The following RIPPLY3 variants were observed in gnomAD, a reference collection of about 807,000 sequenced individuals.
The protein encoded by RIPPLY3 is protein ripply3.
RIPPLY3 carries 8 observed loss-of-function variants against 11.9 expected under a neutral mutation model. The ratio of observed to expected loss-of-function variants is 0.67; its 90% CI spans 0.40 to 1.21. The LOEUF (loss-of-function observed/expected upper bound fraction) is 1.21, where lower values mean the gene tolerates loss of function less well. Among genes scored for constraint, RIPPLY3 ranks in the 50% most tolerant of loss-of-function variants. RIPPLY3 has a pLI of 0.01. For synonymous variants in RIPPLY3, 102 were observed against 99.0 expected (o/e 1.03, Z -0.18); for missense variants, 271 against 246.0 (o/e 1.10, Z -0.68).
intron 3 of RIPPLY3, 76 bp downstream of exon 3, chr21:37,013,694 C>T (rs1246695468): frequency 9.7e-7 from 1 of 1,031,906 alleles, no homozygotes; most frequent in Non-Finnish European, 1.5e-6. Flanking sequence ...GTGTCTTCAA[C>T]CACATAGATT....
intron 3 of RIPPLY3, among the ~76,000 whole-genome samples, chr21:37,015,328 T>C (rs1249187196): frequency 6.6e-6 from 1 of 152,164 alleles, no homozygotes; most frequent in Admixed American, 6.5e-5. Flanking sequence ...CATGCCTGGC[T>C]AATTTTTGTA....
rs377467439 is a variant in RIPPLY3 at position 37,011,246 on chromosome 21, A to G, written c.172-2305A>G. On this transcript the variant is annotated intron_variant, in intron 2 of 3. Coordinates refer to ENST00000329553, the MANE Select transcript of RIPPLY3 (RefSeq NM_018962.3). Reference sequence around the variant, plus strand: ...CTCGAACTCCTGACCTCAGATCGTGATGCTCCTGCCTCCGCCTCCCACAGT... The same window carrying G: ...CTCGAACTCCTGACCTCAGATCGTGGTGCTCCTGCCTCCGCCTCCCACAGT... Among the ~76,000 whole-genome samples the G allele has an allele frequency of 2.0e-5, 3 of 152,156 alleles. No individual in the cohort carries two copies. The East Asian group carries it at 5.8e-4, about 29-fold the overall frequency.
At position 37,010,149 on chromosome 21, in the gene RIPPLY3, C is replaced by G. The variant is rs899462726; in HGVS notation, c.171+1926C>G. Among the ~76,000 whole-genome samples the G allele has an allele frequency of 9.2e-5, 14 of 152,256 alleles. No individual in the cohort carries two copies. In the East Asian group the frequency reaches 2.5e-3, roughly 27 times the overall value. On this transcript the variant is annotated intron_variant, in intron 2 of 3. Coordinates refer to ENST00000329553, the MANE Select transcript of RIPPLY3 (RefSeq NM_018962.3). Reference sequence around the variant, plus strand: ...CTGGAGTGGCGGTGAAGAGGACTAACGCCTGGTGACCTGTACCAGGGCTCC... The same window carrying G: ...CTGGAGTGGCGGTGAAGAGGACTAAGGCCTGGTGACCTGTACCAGGGCTCC...
Position 37,018,059 on chromosome 21 carries a change from G to T in RIPPLY3, c.425G>T (p.Gly142Val), listed in dbSNP as rs1231780055. ...CATCTTCTGCCCCAGGAGGTGGGAG[G>T]TCGGCAGGAAAATGGCCCAGGGGGA... ...PLHLLPQEVGGRQENGPGGKG... is the reference protein window; with the variant it reads ...PLHLLPQEVGVRQENGPGGKG... Residue 142 changes from glycine (G) to valine (V), a missense_variant, in exon 4 of 4, where the codon GGT becomes GTT. Gly to Val is a moderately radical substitution (Grantham distance 109). Transcript: ENST00000329553. 6.2e-7 allele frequency: 1 copy of T among 1,614,086 alleles called. No individual in the cohort carries two copies. Among genetic ancestry groups the T allele is most frequent in the Non-Finnish European group, 8.5e-7 (1 of 1,180,030 alleles).
At chr21:37,016,005 T>G (rs976739288) in intron 3 of RIPPLY3, among the ~76,000 whole-genome samples, 1 of 152,032 alleles carries the variant, frequency 6.6e-6, no homozygotes, top group Non-Finnish European at 1.5e-5. Context: ...TGAGCCACTG[T>G]GTCCCACCCC....
upstream of RIPPLY3, among the ~76,000 whole-genome samples, chr21:37,006,400 T>C (rs1189128798): frequency 1.3e-5 from 2 of 152,100 alleles, no homozygotes; most frequent in Non-Finnish European, 2.9e-5. The surrounding 1 kb of genome is among the most constrained non-coding windows in gnomAD (Gnocchi z 5.2). Flanking sequence ...ACCCCTTCTC[T>C]GGTGCCCCCT....
chr21:37,006,672 T>G, upstream of RIPPLY3: 2 of 778,686 alleles, frequency 2.6e-6, no homozygotes, highest in South Asian at 6.6e-5. The surrounding 1 kb of genome is among the most constrained non-coding windows in gnomAD (Gnocchi z 5.2). Flanking sequence ...CGCCCCCGTT[T>G]TTAAACCTGG....
At chr21:37,006,625 G>C (rs147954937), upstream of RIPPLY3, 2,477 of 410,292 alleles carry the variant, frequency 6.0e-3, 53 homozygotes, top group African/African-American at 0.048. This position sits in a 1 kb window ranked among gnomAD's most constrained non-coding sequence, Gnocchi z 5.2. Flanking sequence ...GGAGCTCCTC[G>C]GGTCCTGCCC....
Position 37,018,431 on chromosome 21 carries a change from C to T in RIPPLY3, c.*224C>T, listed in dbSNP as rs1362091540. 2 of 564,154 alleles carry T rather than the reference C, an allele frequency of 3.5e-6. No homozygotes were observed. The allele number at this position is 564,154 out of a possible 1,614,324, so 34.9% of individuals were successfully genotyped here. ...TCATGCATGCCTTTGAGAAAGGATT[C>T]TAGGAGAAAGAGAAGGTCTATGTCA... On this transcript the variant is annotated 3_prime_UTR_variant, in exon 4 of 4. Coordinates refer to ENST00000329553, the MANE Select transcript of RIPPLY3 (RefSeq NM_018962.3).
At chr21:37,010,580 C>T (rs543250187) in intron 2 of RIPPLY3, among the ~76,000 whole-genome samples, 1 of 152,358 alleles carries the variant, frequency 6.6e-6, no homozygotes. Context: ...CCCTCACCCA[C>T]TTCATGCCCC....
chr21:37,017,300 TC>T (rs910491337), intron 3 of RIPPLY3, among the ~76,000 whole-genome samples: 1 of 152,158 alleles, frequency 6.6e-6, no homozygotes, highest in Non-Finnish European at 1.5e-5. Flanking sequence ...TTTCCTTTTT[TC>T]CTAAGCACAT....
chr21:37,017,830 G>A (rs3746870), intron 3 of RIPPLY3, 44 bp from the exon 4 acceptor site: 15,202 of 1,509,012 alleles, frequency 0.01, 256 homozygotes, highest in East Asian at 0.073. Context: ...AATTTAGGAC[G>A]AGGTTCAGGT....
intron 2 of RIPPLY3, among the ~76,000 whole-genome samples, chr21:37,012,816 G>T (rs1190817589): frequency 6.6e-6 from 1 of 151,384 alleles, no homozygotes; most frequent in African/African-American, 2.4e-5. Flanking sequence ...TCCACACAAG[G>T]CTCCTCATGG....
rs2069470860 is a variant in RIPPLY3 at position 37,006,961 on chromosome 21, G to A, written c.104+85G>A. 1.2e-6 allele frequency: 1 copy of A among 816,916 alleles called. No homozygotes were observed. Among genetic ancestry groups the A allele is most frequent in the Non-Finnish European group, 1.6e-6 (1 of 617,964 alleles). The allele number at this position is 816,916 out of a possible 1,614,324, so 50.6% of individuals were successfully genotyped here. On this transcript the variant is annotated intron_variant, in intron 1 of 3. Transcript: ENST00000329553. This position sits in a 1 kb window ranked among gnomAD's most constrained non-coding sequence, Gnocchi z 5.2. ...GGAGCGCAGCGAGCGGGAGGCTGGG[G>A]CGCTGCTGAACCCCCGATCCCCAGC...
intron 2 of RIPPLY3, among the ~76,000 whole-genome samples, chr21:37,011,541 T>A (rs568907751): frequency 1.6e-4 from 24 of 152,076 alleles, no homozygotes; most frequent in African/African-American, 5.5e-4. Context: ...GAAATAGGAG[T>A]GTTTTATAAT....
At chr21:37,013,766 G>C in intron 3 of RIPPLY3, 148 bp downstream of exon 3, 1 of 562,500 alleles carries the variant, frequency 1.8e-6, no homozygotes, top group Non-Finnish European at 3.0e-6. Context: ...CTTATACCAA[G>C]GAGATTTTGT....
chr21:37,018,065 A>G lies in RIPPLY3; in HGVS notation c.431A>G (p.Gln144Arg). 6.2e-7 allele frequency: 1 copy of G among 1,614,118 alleles called. No homozygotes were observed. The highest frequency in any genetic ancestry group is 1.1e-5 in the South Asian group (1 of 91,066). ...HLLPQEVGGR[Q>R]ENGPGGKGRD... ...CTGCCCCAGGAGGTGGGAGGTCGGC[A>G]GGAAAATGGCCCAGGGGGAAAGGGC... The change falls in exon 4 of 4, where the codon CAG becomes CGG. Residue 144 changes from glutamine to arginine, a missense_variant. By Grantham distance (43) the Gln-to-Arg change is conservative (BLOSUM62 1). Coordinates refer to ENST00000329553, the MANE Select transcript of RIPPLY3 (RefSeq NM_018962.3).
rs545660897 is a variant in RIPPLY3, at chr21:37,013,104, G to A, written c.172-447G>A. Among the ~76,000 whole-genome samples, 20 of 152,100 alleles carry A rather than the reference G, an allele frequency of 1.3e-4. 1 individual carries two copies. Among genetic ancestry groups the A allele is most frequent in the South Asian group, 4.2e-4 (2 of 4,802 alleles). On this transcript the variant is annotated intron_variant, in intron 2 of 3. Transcript: ENST00000329553. ...ATTACAGGCATGAGCTACCACTCCC[G>A]GTACTGCCACTCTGAATTTGATGCT...
chr21:37,012,873 T>C (rs2146776383), intron 2 of RIPPLY3, among the ~76,000 whole-genome samples: 1 of 150,994 alleles, frequency 6.6e-6, no homozygotes, highest in East Asian at 1.9e-4. Flanking sequence ...ATTTTTTTTT[T>C]TTTTTTTTTG....
Sources: gnomAD v4.1 joint callset for allele counts (sites outside exome capture counted in the v4.1 genomes callset) on GRCh38, gnomAD v4.1.1 for gene constraint, Gnocchi (gnomAD v3.1) non-coding constraint, MANE v1.5 for transcripts, NCBI Gene and HGNC (gene_info 2026-07-23, HGNC 2026-07-21) for gene names.